Variants in SAXO1 observed in about 807,000 individuals in gnomAD.
SAXO1 encodes the protein stabilizer of axonemal microtubules 1.
Under a neutral mutation model 17.5 loss-of-function variants are expected in SAXO1, and 21 were observed. The observed-to-expected ratio is 1.20, with a 90% CI of 0.85 to 1.72. The LOEUF (loss-of-function observed/expected upper bound fraction) is 1.72, where lower values mean the gene tolerates loss of function less well. Ranked by LOEUF, SAXO1 falls within the 40% of genes most tolerant of loss-of-function variation. The pLI is 0.00. For missense variants in SAXO1, 843 were observed against 596.0 expected (o/e 1.41, Z -4.32); for synonymous variants, 274 against 216.5 (o/e 1.27, Z -2.33).
At chr9:19,006,805 G>T (rs1834498614) in intron 1 of SAXO1, among the ~76,000 whole-genome samples, 1 of 152,162 alleles carries the variant, frequency 6.6e-6, no homozygotes, top group Non-Finnish European at 1.5e-5. Context: ...TAGCCCTCTG[G>T]GAGGCTGAGG....
chr9:19,017,639 C>T (rs1835040709), intron 1 of SAXO1, among the ~76,000 whole-genome samples: 1 of 152,242 alleles, frequency 6.6e-6, no homozygotes, highest in African/African-American at 2.4e-5. Context: ...AACTGCCCCA[C>T]AGCCTTTTGC....
At chr9:18,987,895 T>C (rs1200548046) in intron 1 of SAXO1, among the ~76,000 whole-genome samples, 1 of 91,610 alleles carries the variant, frequency 1.1e-5, no homozygotes, top group African/African-American at 3.1e-5. Context: ...AGACCCTGTC[T>C]CAAAAAAAAA....
intron 1 of SAXO1, among the ~76,000 whole-genome samples, chr9:19,030,063 G>T (rs142945955): frequency 1.9e-3 from 294 of 152,286 alleles, no homozygotes; most frequent in African/African-American, 6.9e-3. Context: ...CACGGAGCGG[G>T]GTTTTTCTTT....
At chr9:19,032,766 A>C (rs1588568012) in intron 1 of SAXO1, 105 bp downstream of exon 1, 2 of 1,285,980 alleles carry the variant, frequency 1.6e-6, no homozygotes, top group Non-Finnish European at 2.2e-6. Context: ...AAGTGGACGA[A>C]CCCACCGTGA....
chr9:18,990,174 T>C (rs1371230557), intron 1 of SAXO1, among the ~76,000 whole-genome samples: 2 of 151,772 alleles, frequency 1.3e-5, no homozygotes, highest in Admixed American at 6.6e-5. Flanking sequence ...TGGACTTTTT[T>C]TTTTTTTTTC....
intron 1 of SAXO1, chr9:19,027,844 C>G (rs1835565462): frequency 7.1e-7 from 1 of 1,417,366 alleles, no homozygotes; most frequent in Middle Eastern, 1.7e-4. Context: ...GGGTGGACAT[C>G]CTGGACCCCG....
intron 1 of SAXO1, chr9:19,028,211 A>C (rs936901503): frequency 5.1e-6 from 5 of 984,074 alleles, no homozygotes; most frequent in Admixed American, 2.6e-5. Context: ...AAAACAAAAC[A>C]AAAAAAATAC....
At chr9:18,966,825 C>T (rs191152709) in intron 1 of SAXO1, among the ~76,000 whole-genome samples, 2 of 152,294 alleles carry the variant, frequency 1.3e-5, no homozygotes, top group Admixed American at 1.3e-4. Flanking sequence ...AAGAGGCATT[C>T]TGGTTTTTGG....
At chr9:19,037,085 G>T (rs548395553), upstream of SAXO1, among the ~76,000 whole-genome samples, 12 of 152,278 alleles carry the variant, frequency 7.9e-5, no homozygotes, top group African/African-American at 2.9e-4. Flanking sequence ...ACTTGCATGG[G>T]GACTGTAACC....
intron 1 of SAXO1, among the ~76,000 whole-genome samples, chr9:19,019,249 A>G (rs905806292): frequency 1.3e-5 from 2 of 152,256 alleles, no homozygotes; most frequent in Non-Finnish European, 2.9e-5. Context: ...ATTAAAATAA[A>G]TGCTCTTCTT....
At chr9:18,988,157 T>C (rs1204892217) in intron 1 of SAXO1, among the ~76,000 whole-genome samples, 2 of 152,212 alleles carry the variant, frequency 1.3e-5, no homozygotes, top group Non-Finnish European at 2.9e-5. Flanking sequence ...AGATTTTAGT[T>C]TGAGTTTTGC....
chr9:19,027,746 G>C, intron 1 of SAXO1: 1 of 1,476,780 alleles, frequency 6.8e-7, no homozygotes. Context: ...CGGGGACCGA[G>C]AGGTGCAGAG....
intron 1 of SAXO1, among the ~76,000 whole-genome samples, chr9:18,980,184 T>C (rs1255057731): frequency 2.0e-5 from 3 of 152,134 alleles, no homozygotes; most frequent in South Asian, 4.2e-4. Flanking sequence ...AACTGGGTTA[T>C]TCTAGAGTCA....
chr9:19,023,956 T>G (rs1835361043), intron 1 of SAXO1, among the ~76,000 whole-genome samples: 1 of 141,962 alleles, frequency 7.0e-6, no homozygotes, highest in African/African-American at 2.6e-5. Flanking sequence ...CTAGGCAACA[T>G]AGTGACACCT....
chr9:18,947,535 G>GA (rs1831849447), intron 2 of SAXO1, among the ~76,000 whole-genome samples: 1 of 152,140 alleles, frequency 6.6e-6, no homozygotes, highest in Non-Finnish European at 1.5e-5. Context: ...TAACACCATT[G>GA]AAGACTCACC....
At chr9:19,008,332 A>G (rs1177856083) in intron 1 of SAXO1, among the ~76,000 whole-genome samples, 1 of 152,198 alleles carries the variant, frequency 6.6e-6, no homozygotes, top group Non-Finnish European at 1.5e-5. Context: ...TTATCAACTC[A>G]GTAAAGGACG....
At chr9:19,027,636 T>C (rs1421821790) in intron 1 of SAXO1, 8 of 1,419,054 alleles carry the variant, frequency 5.6e-6, no homozygotes, top group Non-Finnish European at 7.0e-6. Flanking sequence ...GCCAAGCTAG[T>C]CCGGGATGCC....
intron 1 of SAXO1, among the ~76,000 whole-genome samples, chr9:18,991,561 T>G (rs2131842970): frequency 6.6e-6 from 1 of 152,060 alleles, no homozygotes; most frequent in East Asian, 1.9e-4. Context: ...CCCTGGGGCT[T>G]GTCGCGGAGT....
At chr9:18,990,348 C>G (rs565636020) in intron 1 of SAXO1, among the ~76,000 whole-genome samples, 14 of 152,246 alleles carry the variant, frequency 9.2e-5, no homozygotes, top group African/African-American at 3.4e-4. Flanking sequence ...GACAATGGGA[C>G]AATTTTACAG....
Sources: gnomAD v4.1 joint callset for allele counts (sites outside exome capture counted in the v4.1 genomes callset) on GRCh38, gnomAD v4.1.1 for gene constraint, MANE v1.5 for transcripts, NCBI Gene and HGNC (gene_info 2026-07-23, HGNC 2026-07-21) for gene names.